The following LRP2 variants were observed in gnomAD, a reference collection of about 807,000 sequenced individuals.
The protein encoded by LRP2 is LDL receptor related protein 2.
A neutral mutation model predicts 531.0 loss-of-function variants in LRP2; 172 were observed. The observed-to-expected ratio is 0.32, with a 90% CI of 0.29 to 0.37. LRP2 has a LOEUF of 0.37. LRP2 is among the 10% of genes least tolerant of loss of function. The pLI, the probability that LRP2 is intolerant of heterozygous loss-of-function variation, is 1.00. For synonymous variants in LRP2, 1,992 were observed against 2,027.6 expected (o/e 0.98, Z 0.47); for missense variants, 5,167 against 5,868.3 (o/e 0.88, Z 3.90).
intron 1 of LRP2, among the ~76,000 whole-genome samples, chr2:169,338,400 GAAAGAAAGA>G (rs1229695141): frequency 1.4e-3 from 162 of 119,010 alleles, no homozygotes; most frequent in African/African-American, 4.8e-3. Context: ...AAGAAAGAAA[GAAAGAAAGA>G]AAAGAAAAGA....
chr2:169,279,553 G>C lies in LRP2; in HGVS notation c.1384C>G (p.Leu462Val). 6.2e-7 allele frequency: 1 copy of C among 1,613,800 alleles called. No homozygotes were observed. The highest frequency in any genetic ancestry group is 8.5e-7 in the Non-Finnish European group (1 of 1,179,782). The change falls in exon 12 of 79, where the codon CTC (leucine) becomes GTC (valine). Residue 462 changes from leucine to valine, a missense_variant. Around this residue, in one of 6 missense-constraint regions of LRP2, gnomAD observed 2,811 missense variants for 3,058.0 expected, o/e 0.92. Coordinates refer to ENST00000649046, the MANE Select transcript of LRP2 (RefSeq NM_004525.3). ...TCTGGGGTTTCAACAGAAACATTGA[G>C]AACCTCTTGGATATTTAAACCATTA... ...DINGLNIQEV[L>V]NVSVETPENL...
chr2:169,180,125 A>G (rs966599030), intron 52 of LRP2, among the ~76,000 whole-genome samples: 3 of 152,224 alleles, frequency 2.0e-5, no homozygotes, highest in African/African-American at 7.2e-5. Flanking sequence ...GACACCTACT[A>G]AGCTTTCAAG....
intron 34 of LRP2, among the ~76,000 whole-genome samples, chr2:169,217,564 C>A (rs1388059170): frequency 6.6e-6 from 1 of 152,104 alleles, no homozygotes; most frequent in East Asian, 1.9e-4. Flanking sequence ...AAGCTAATCT[C>A]CAACCCTGGG....
At chr2:169,170,248 C>T (rs759607692) in intron 59 of LRP2, among the ~76,000 whole-genome samples, 15 of 152,106 alleles carry the variant, frequency 9.9e-5, no homozygotes, top group Non-Finnish European at 1.8e-4. Context: ...GGAATAGTAG[C>T]AAGATCAATG....
intron 26 of LRP2, 120 bp downstream of exon 26, chr2:169,239,407 T>C (rs1242008771): frequency 4.4e-5 from 68 of 1,552,054 alleles, no homozygotes; most frequent in Non-Finnish European, 5.5e-5. Flanking sequence ...GATTGCATAA[T>C]CTTTCCAGGA....
intron 4 of LRP2, among the ~76,000 whole-genome samples, chr2:169,304,131 A>G (rs1387627245): frequency 6.6e-6 from 1 of 152,148 alleles, no homozygotes; most frequent in African/African-American, 2.4e-5. Context: ...TATTTTCCCC[A>G]AAGTAGCAGT....
intron 50 of LRP2, among the ~76,000 whole-genome samples, chr2:169,184,573 T>A (rs1181471278): frequency 6.6e-6 from 1 of 152,238 alleles, no homozygotes; most frequent in African/African-American, 2.4e-5. Context: ...TCCGATAGAT[T>A]TGATATTCAA....
At chr2:169,316,811 C>T (rs1170500235) in intron 3 of LRP2, among the ~76,000 whole-genome samples, 2 of 151,974 alleles carry the variant, frequency 1.3e-5, no homozygotes, top group Admixed American at 1.3e-4. Context: ...TGAGCAACAC[C>T]AATACTCAAG....
intron 1 of LRP2, among the ~76,000 whole-genome samples, chr2:169,334,789 T>C (rs987228085): frequency 1.8e-4 from 27 of 152,188 alleles, no homozygotes; most frequent in Non-Finnish European, 2.6e-4. Context: ...TATGCAGTTT[T>C]CTTACCTACA....
At chr2:169,173,583 G>T (rs62172588) in intron 56 of LRP2, among the ~76,000 whole-genome samples, 2,550 of 152,186 alleles carry the variant, frequency 0.017, 33 homozygotes, top group Non-Finnish European at 0.026. Flanking sequence ...AAATGGAATT[G>T]GTTCACACCC....
At chr2:169,286,838 GAA>G (rs1344759135) in intron 9 of LRP2, among the ~76,000 whole-genome samples, 1 of 152,112 alleles carries the variant, frequency 6.6e-6, no homozygotes, top group Non-Finnish European at 1.5e-5. Context: ...GTTGATAAAG[GAA>G]AAAGAGAGAA....
rs1038043530 is a variant in LRP2 at position 169,241,142 on chromosome 2, C to A, written c.3891G>T (p.Gly1297=). The A allele has an allele frequency of 3.1e-6, 5 of 1,614,104 alleles. No homozygotes were observed. Among genetic ancestry groups the A allele is most frequent in the Non-Finnish European group, 3.4e-6 (4 of 1,179,980 alleles). Residue 1297 remains glycine, a synonymous_variant, in exon 25 of 79, where the codon GGG becomes GGT. Coordinates refer to ENST00000649046, the MANE Select transcript of LRP2 (RefSeq NM_004525.3). ...AWLCDRDNDC[G]DMSDEKDCPT... ...GGCAGTCCTTCTCATCACTCATATC[C>A]CCGCAGTCATTGTCCCGATCACAGA...
At chr2:169,245,069 GTCA>G in intron 21 of LRP2, 137 bp from the exon 22 acceptor site, 1 of 947,572 alleles carries the variant, frequency 1.1e-6, no homozygotes. Flanking sequence ...ATCAAGTGAT[GTCA>G]TCATCACTAA....
rs544995518 is a variant in LRP2, at chr2:169,224,473, G to C, written c.5538+837C>G. Among the ~76,000 whole-genome samples the C allele has an allele frequency of 3.3e-5, 5 of 152,316 alleles. No individual in the cohort carries two copies. The East Asian group carries it at 9.6e-4, about 29-fold the overall frequency. On this transcript the variant is annotated intron_variant, in intron 33 of 78. Coordinates refer to ENST00000649046, the MANE Select transcript of LRP2 (RefSeq NM_004525.3). ...AAAAGAACACTTATCTTGAAGAAGA[G>C]AGTATCAAAGGAATTAGAATCAAGT... is the stretch of plus-strand genomic sequence containing the variant.
At chr2:169,330,434 C>T (rs1275635813) in intron 1 of LRP2, among the ~76,000 whole-genome samples, 1 of 152,208 alleles carries the variant, frequency 6.6e-6, no homozygotes, top group Non-Finnish European at 1.5e-5. Context: ...CTACCCTTCT[C>T]CATTTCCATT....
chr2:169,139,110 T>G, intron 74 of LRP2, 141 bp downstream of exon 74: 1 of 1,231,864 alleles, frequency 8.1e-7, no homozygotes, highest in South Asian at 1.2e-5. Context: ...CTGCTTTACA[T>G]CCTCACTACT....
At chr2:169,310,444 G>T (rs936832769) in intron 3 of LRP2, among the ~76,000 whole-genome samples, 1 of 152,044 alleles carries the variant, frequency 6.6e-6, no homozygotes, top group African/African-American at 2.4e-5. Flanking sequence ...CCTTTTCTGC[G>T]TCTATTGAGA....
chr2:169,193,621 G>A (rs1687905103), intron 47 of LRP2, 140 bp downstream of exon 47: 1 of 1,052,016 alleles, frequency 9.5e-7, no homozygotes, highest in Admixed American at 1.8e-5. Flanking sequence ...CTCCCAGCAT[G>A]GAGAAACAAA....
chr2:169,317,595 T>C (rs1163994467), intron 3 of LRP2, among the ~76,000 whole-genome samples: 3 of 152,216 alleles, frequency 2.0e-5, no homozygotes, highest in Non-Finnish European at 2.9e-5. Context: ...AGATAATAAA[T>C]CCCCTTTTTG....
Sources: allele counts gnomAD v4.1 joint callset (sites outside exome capture counted in the v4.1 genomes callset), GRCh38; gene constraint gnomAD v4.1.1; regional missense constraint gnomAD v4.1.1; transcripts MANE v1.5; gene names NCBI Gene and HGNC (gene_info 2026-07-23, HGNC 2026-07-21).